Variants in COL6A1 observed in about 807,000 individuals in gnomAD.
COL6A1 encodes collagen type VI alpha 1 chain.
COL6A1 carries 80 observed loss-of-function variants against 145.6 expected under a neutral mutation model. The ratio of observed to expected loss-of-function variants is 0.55; its 90% CI spans 0.46 to 0.66. The LOEUF is 0.66. Ranked by LOEUF, COL6A1 falls within the 30% of genes least tolerant of loss-of-function variation. COL6A1 has a pLI of 0.00. For missense variants in COL6A1, 1,364 were observed against 1,473.8 expected (o/e 0.93, Z 1.22); for synonymous variants, 638 against 622.8 (o/e 1.02, Z -0.36).
At position 45,997,519 on chromosome 21, in the gene COL6A1, G is replaced by GT. The variant is rs749128231; in HGVS notation, c.1461+36_1461+37insT. 12 of 1,453,428 alleles carry GT rather than the reference G, an allele frequency of 8.3e-6. No homozygotes were observed. The Admixed American group carries it at 1.1e-4, about 13-fold the overall frequency. 90.0% of individuals were successfully genotyped at this position (1,453,428 alleles called of 1,614,324 possible). On this transcript the variant is annotated intron_variant, in intron 21 of 34. Transcript: ENST00000361866. ...CTCCCCACCCACACCCGCCCACCCA[G>GT]GGGGGCCTGAGGATCCAGAACCCAC...
intron 21 of COL6A1, 31 bp from the exon 22 acceptor site, chr21:45,997,669 T>G (rs747062534): frequency 1.9e-6 from 3 of 1,573,070 alleles, no homozygotes; most frequent in East Asian, 4.7e-5. Flanking sequence ...ATGCTAAGCC[T>G]GCTCCCCTCA....
chr21:45,984,771 AACAGAGACAGAG>A (rs370714708), intron 3 of COL6A1, among the ~76,000 whole-genome samples: 3,697 of 149,556 alleles, frequency 0.025, 133 homozygotes, highest in African/African-American at 0.084. Flanking sequence ...GACAGAGACA[AACAGAGACAGAG>A]ACAGAGACAC....
intron 9 of COL6A1, among the ~76,000 whole-genome samples, 180 bp downstream of exon 9, chr21:45,989,317 G>C (rs2077760436): frequency 6.6e-6 from 1 of 152,222 alleles, no homozygotes; most frequent in Non-Finnish European, 1.5e-5. Flanking sequence ...CAGCCCCCCA[G>C]GCAGCCCGTA....
intron 20 of COL6A1, among the ~76,000 whole-genome samples, chr21:45,995,170 G>A (rs2077797920): frequency 6.6e-6 from 1 of 152,270 alleles, no homozygotes; most frequent in Non-Finnish European, 1.5e-5. Flanking sequence ...ATGAGGACCA[G>A]GGCAGGGCTT....
chr21:45,986,146 G>A (rs375517245), intron 3 of COL6A1, among the ~76,000 whole-genome samples: 37 of 152,286 alleles, frequency 2.4e-4, no homozygotes, highest in Middle Eastern at 3.4e-3. Context: ...CACGGTGACC[G>A]AGCAGCCTTG....
intron 2 of COL6A1, among the ~76,000 whole-genome samples, chr21:45,983,368 C>T (rs954519513): frequency 6.8e-6 from 1 of 147,480 alleles, no homozygotes; most frequent in African/African-American, 2.6e-5. Flanking sequence ...AGAGGGGAGT[C>T]GGTCCTGTGG....
chr21:45,998,172 G>GTCT lies in COL6A1; in HGVS notation c.1575+2_1575+3insCTT, dbSNP rs758434455. 13 of 1,611,710 alleles carry GTCT rather than the reference G, an allele frequency of 8.1e-6. No individual in the cohort carries two copies. Among genetic ancestry groups the GTCT allele is most frequent in the African/African-American group, 2.7e-5 (2 of 74,878 alleles). ...CACCGAGGGCTTCCCCGGCTTCCCC[G>GTCT]TAAGTGTCCGGAGGCTGAGCCCACA... On this transcript the variant is annotated splice_donor_variant, in intron 23 of 34. Coordinates refer to ENST00000361866, the MANE Select transcript of COL6A1 (RefSeq NM_001848.3). LOFTEE classifies it high-confidence loss of function.
chr21:45,990,744 A>G, intron 13 of COL6A1, 29 bp from the exon 14 acceptor site: 1 of 1,609,684 alleles, frequency 6.2e-7, no homozygotes, highest in African/African-American at 1.3e-5. Context: ...CTTGGCCGTC[A>G]GATTTTCTAG....
chr21:45,999,965 C>CATGGGGGGAACAT (rs563227704), intron 27 of COL6A1, among the ~76,000 whole-genome samples: 4 of 1,408 alleles, frequency 2.8e-3, no homozygotes, highest in Non-Finnish European at 4.2e-3. Flanking sequence ...CATGGGAGGA[C>CATGGGGGGAACAT]GTGAGGATCA....
chr21:45,995,317 G>C (rs559494126), intron 20 of COL6A1, among the ~76,000 whole-genome samples: 166 of 152,348 alleles, frequency 1.1e-3, no homozygotes, highest in Non-Finnish European at 1.7e-3. Context: ...AGCTCCCGGG[G>C]CTCCAGCCCT....
chr21:45,989,700 T>G, intron 10 of COL6A1, 48 bp downstream of exon 10: 1 of 1,613,124 alleles, frequency 6.2e-7, no homozygotes. Flanking sequence ...GCCCTCAGCC[T>G]TGCACAGCAC....
chr21:45,995,298 T>C (rs2077798862), intron 20 of COL6A1, among the ~76,000 whole-genome samples: 1 of 152,370 alleles, frequency 6.6e-6, no homozygotes, highest in East Asian at 1.9e-4. Flanking sequence ...TGATCCTCTT[T>C]GCTCTTTGAG....
chr21:45,986,825 C>A (rs2077741975), intron 4 of COL6A1, 119 bp from the exon 5 acceptor site: 3 of 1,519,038 alleles, frequency 2.0e-6, no homozygotes. Flanking sequence ...GAGAGGCCAG[C>A]CCCTCCTGCT....
rs544051573 is a variant in COL6A1, at chr21:45,993,996, G to A, written c.1336-171G>A. Among the ~76,000 whole-genome samples, 144 of 152,308 alleles carry A rather than the reference G, an allele frequency of 9.5e-4. No individual in the cohort carries two copies. The Middle Eastern group carries it at 0.027, about 29-fold the overall frequency. ...CATAGCCAGCCACGCCGATGGCCAC[G>A]CACGTGGGCCGAGGAAACGCTTGGC... On this transcript the variant is annotated intron_variant, in intron 19 of 34. Transcript: ENST00000361866.
Position 46,004,115 on chromosome 21 carries a change from G to A in COL6A1, c.*102G>A, listed in dbSNP as rs572608803. ...CGAATTTTCCCGACCAACCTGATTC[G>A]CTAGATTTTTTTTAAGGAAAAGCTT... is the stretch of plus-strand genomic sequence containing the variant. On this transcript the variant is annotated 3_prime_UTR_variant, in exon 35 of 35. Coordinates refer to ENST00000361866, the MANE Select transcript of COL6A1 (RefSeq NM_001848.3). 72 of 1,495,048 alleles carry A rather than the reference G, an allele frequency of 4.8e-5. No individual in the cohort carries two copies. The highest frequency in any genetic ancestry group is 1.5e-4 in the African/African-American group (11 of 72,452). The allele number at this position is 1,495,048 out of a possible 1,614,324, so 92.6% of individuals were successfully genotyped here.
intron 23 of COL6A1, 45 bp downstream of exon 23, chr21:45,998,216 C>T (rs773483497): frequency 6.2e-7 from 1 of 1,602,648 alleles, no homozygotes; most frequent in African/African-American, 1.3e-5. Context: ...CCCAAGCTGC[C>T]TGCGGCGCCC....
chr21:45,991,899 T>G, intron 15 of COL6A1, 111 bp from the exon 16 acceptor site: 1 of 1,061,588 alleles, frequency 9.4e-7, no homozygotes. Context: ...ACAGTGTTGG[T>G]CAGAGGGAGT....
In COL6A1 at chr21:46,004,949, A is replaced by C. The variant is rs2077872742; in HGVS notation, c.*936A>C. 6.5e-6 allele frequency: 1 copy of C among 153,846 alleles called. No homozygotes were observed. The highest frequency in any genetic ancestry group is 6.5e-5 in the Admixed American group (1 of 15,326). The allele number at this position is 153,846 out of a possible 1,614,324, so 9.5% of individuals were successfully genotyped here. Reference sequence around the variant, plus strand: ...AGTGATGTGTTCGACGTTTTATCAAAGGCCCCCTTTCTATGTTCATGTTAG... The same window carrying C: ...AGTGATGTGTTCGACGTTTTATCAACGGCCCCCTTTCTATGTTCATGTTAG... On this transcript the variant is annotated 3_prime_UTR_variant, in exon 35 of 35. Transcript: ENST00000361866.
At chr21:45,998,044 G>A in intron 22 of COL6A1, 77 bp from the exon 23 acceptor site, 2 of 1,553,502 alleles carry the variant, frequency 1.3e-6, no homozygotes, top group Non-Finnish European at 1.8e-6. Context: ...CGGGTGAGGT[G>A]CTCCCGGGCC....
Sources: allele counts gnomAD v4.1 joint callset (sites outside exome capture counted in the v4.1 genomes callset), GRCh38; gene constraint gnomAD v4.1.1; transcripts MANE v1.5; gene names NCBI Gene and HGNC (gene_info 2026-07-23, HGNC 2026-07-21).